ENOPH1: variants seen among roughly 807,000 people sequenced by gnomAD.
ENOPH1 encodes enolase-phosphatase 1.
A neutral mutation model predicts 31.1 loss-of-function variants in ENOPH1; 14 were observed. That is an observed-to-expected ratio of 0.45 (90% CI 0.30 to 0.70). The LOEUF is 0.70. Among genes scored for constraint, ENOPH1 ranks in the 30% least tolerant of loss-of-function variants. ENOPH1 has a pLI of 0.09. For synonymous variants in ENOPH1, 127 were observed against 123.2 expected (o/e 1.03, Z -0.21); for missense variants, 243 against 321.5 (o/e 0.76, Z 1.87).
At chr4:82,451,306 C>A in intron 3 of ENOPH1, 61 bp downstream of exon 3, 1 of 1,502,956 alleles carries the variant, frequency 6.7e-7, no homozygotes. Context: ...GTTTTTTCAC[C>A]AGTCCTCTCT....
chr4:82,456,475 T>G (rs1722494256), intron 4 of ENOPH1, among the ~76,000 whole-genome samples: 1 of 152,208 alleles, frequency 6.6e-6, no homozygotes, highest in Non-Finnish European at 1.5e-5. Context: ...GAGAATTTCT[T>G]GTAAGTAAAA....
chr4:82,453,026 C>T (rs1227121212), intron 3 of ENOPH1, among the ~76,000 whole-genome samples: 16 of 152,038 alleles, frequency 1.1e-4, no homozygotes, highest in Admixed American at 5.2e-4. Flanking sequence ...CTCAGCCTCC[C>T]GAGTAGCTGG....
intron 1 of ENOPH1, among the ~76,000 whole-genome samples, chr4:82,442,633 A>G (rs1260156806): frequency 6.6e-6 from 1 of 152,224 alleles, no homozygotes; most frequent in African/African-American, 2.4e-5. Context: ...GAAAAGAGAT[A>G]TGCAAAAAAG....
intron 1 of ENOPH1, among the ~76,000 whole-genome samples, chr4:82,437,164 A>G (rs2110037530): frequency 1.3e-5 from 2 of 152,318 alleles, no homozygotes; most frequent in Middle Eastern, 3.4e-3. Context: ...GTATTGTGGC[A>G]TTAGCATAAT....
chr4:82,442,002 A>G (rs1189765093), intron 1 of ENOPH1, among the ~76,000 whole-genome samples: 1 of 152,212 alleles, frequency 6.6e-6, no homozygotes, highest in African/African-American at 2.4e-5. Context: ...GTCTTTCTTC[A>G]GACTGATCAT....
chr4:82,430,948 C>T (rs1268676489), intron 1 of ENOPH1, 35 bp downstream of exon 1: 2 of 1,579,678 alleles, frequency 1.3e-6, no homozygotes, highest in Admixed American at 1.7e-5. Flanking sequence ...TGTTACTTTT[C>T]CTTAAAAACA....
At chr4:82,452,900 C>CTTTT (rs761337281) in intron 3 of ENOPH1, among the ~76,000 whole-genome samples, 1 of 115,926 alleles carries the variant, frequency 8.6e-6, no homozygotes, top group Non-Finnish European at 1.8e-5. Flanking sequence ...CTGAGAAATT[C>CTTTT]TTTTTTTTTT....
chr4:82,458,939 C>G (rs1474742101), intron 5 of ENOPH1, among the ~76,000 whole-genome samples: 3 of 152,130 alleles, frequency 2.0e-5, no homozygotes, highest in African/African-American at 7.2e-5. Context: ...GTGGAAGAAA[C>G]AGCTCAGCCC....
intron 1 of ENOPH1, among the ~76,000 whole-genome samples, chr4:82,440,272 C>A (rs530856492): frequency 3.0e-4 from 46 of 152,154 alleles, no homozygotes; most frequent in Non-Finnish European, 4.9e-4. Flanking sequence ...CTCTCATTTT[C>A]TTTGTATGAA....
chr4:82,458,729 T>C (rs1402335307), intron 5 of ENOPH1, among the ~76,000 whole-genome samples: 1 of 152,162 alleles, frequency 6.6e-6, no homozygotes, highest in Non-Finnish European at 1.5e-5. Flanking sequence ...CCAGTCACGA[T>C]GAAAACTTTG....
At chr4:82,435,776 A>G (rs1223588805) in intron 1 of ENOPH1, among the ~76,000 whole-genome samples, 1 of 152,228 alleles carries the variant, frequency 6.6e-6, no homozygotes, top group Non-Finnish European at 1.5e-5. Flanking sequence ...CACTGGAAGC[A>G]TTCTTCTACC....
chr4:82,453,562 C>A (rs556475576), intron 3 of ENOPH1, among the ~76,000 whole-genome samples: 1 of 152,308 alleles, frequency 6.6e-6, no homozygotes, highest in East Asian at 1.9e-4. Context: ...GAATAACATA[C>A]TTACATGTGT....
rs1021186669 is a variant in ENOPH1 at position 82,430,610 on chromosome 4, C to A, written c.-220C>A. ...ACGTGGTCTCGGGCTCCTGCCCCGT[C>A]CTGCTCACGAGTTCAGGGCTCCTGG... On this transcript the variant is annotated 5_prime_UTR_variant, in exon 1 of 6. Transcript: ENST00000273920. 119 of 556,496 alleles carry A rather than the reference C, an allele frequency of 2.1e-4. 1 individual carries two copies. In the East Asian group the frequency reaches 3.1e-3, roughly 14 times the overall value. The allele number at this position is 556,496 out of a possible 1,614,324, so 34.5% of individuals were successfully genotyped here.
rs1722614075 is a variant in ENOPH1 at position 82,460,319 on chromosome 4, T to C, written c.*199T>C. 2.1e-6 allele frequency: 1 copy of C among 482,654 alleles called. No homozygotes were observed. Among genetic ancestry groups the C allele is most frequent in the Non-Finnish European group, 3.6e-6 (1 of 277,938 alleles). The allele number at this position is 482,654 out of a possible 1,614,324, so 29.9% of individuals were successfully genotyped here. A position where few individuals can be genotyped will look rare whatever the true frequency, so the allele number is the denominator to read the frequency against. ...CTCAGTTCAGTGAACACAAAACTTA[T>C]TTAAAGATGCTTTATATGTAGAAAT... is the stretch of plus-strand genomic sequence containing the variant. On this transcript the variant is annotated 3_prime_UTR_variant, in exon 6 of 6. Coordinates refer to ENST00000273920, the MANE Select transcript of ENOPH1 (RefSeq NM_021204.5).
chr4:82,446,274 C>T (rs1385691576), intron 1 of ENOPH1, among the ~76,000 whole-genome samples: 2 of 151,874 alleles, frequency 1.3e-5, no homozygotes, highest in Admixed American at 6.6e-5. Flanking sequence ...AAAAATTAGC[C>T]GGGTGTGGTG....
chr4:82,454,583 G>T, intron 3 of ENOPH1, 139 bp from the exon 4 acceptor site: 1 of 829,008 alleles, frequency 1.2e-6, no homozygotes, highest in African/African-American at 1.7e-5. Flanking sequence ...TAGAACTGCA[G>T]GAGTTTGTAG....
intron 2 of ENOPH1, 62 bp from the exon 3 acceptor site, chr4:82,450,981 G>T: frequency 6.8e-7 from 1 of 1,473,124 alleles, no homozygotes; most frequent in Non-Finnish European, 9.4e-7. Flanking sequence ...TTTGGGTCTC[G>T]TTTTAAATGA....
In ENOPH1 at chr4:82,440,762, ATAATT is replaced by A. The variant is rs139551535; in HGVS notation, c.85-7153_85-7149del. 8.9e-3 allele frequency among the ~76,000 whole-genome samples: 1,352 copies of A among 152,334 alleles called. 17 individuals are homozygous for A. The highest frequency in any genetic ancestry group is 0.031 in the African/African-American group (1,293 of 41,564). ...GATAACAGTGTATCTTTTGTTAATT[ATAATT>A]TAATCTCCTTAATGGGGCTATCTTT... On this transcript the variant is annotated intron_variant, in intron 1 of 5. Transcript: ENST00000273920.
intron 3 of ENOPH1, among the ~76,000 whole-genome samples, chr4:82,453,647 A>G (rs1174966353): frequency 6.6e-6 from 1 of 152,216 alleles, no homozygotes; most frequent in East Asian, 1.9e-4. Context: ...TATAAAGCGG[A>G]AGACTCCACT....
Sources: gnomAD v4.1 joint callset for allele counts (sites outside exome capture counted in the v4.1 genomes callset) on GRCh38, gnomAD v4.1.1 for gene constraint, MANE v1.5 for transcripts, NCBI Gene and HGNC (gene_info 2026-07-23, HGNC 2026-07-21) for gene names.